CALY: variants seen among roughly 807,000 people sequenced by gnomAD.
CALY encodes the protein neuron-specific vesicular protein calcyon.
CALY carries 15 observed loss-of-function variants against 20.2 expected under a neutral mutation model. The ratio of observed to expected loss-of-function variants is 0.74; its 90% CI spans 0.50 to 1.14. CALY has a LOEUF of 1.14. CALY is among the 50% of genes most tolerant of loss of function. CALY has a pLI of 0.00. For missense variants in CALY, 270 were observed against 304.4 expected, an observed-to-expected ratio of 0.89 and a Z score of 0.84; for synonymous variants, 129 against 131.8, an observed-to-expected ratio of 0.98 and a Z score of 0.15.
At chr10:133,329,450 G>A (rs1848269184) in intron 1 of CALY, among the ~76,000 whole-genome samples, 1 of 149,290 alleles carries the variant, frequency 6.7e-6, no homozygotes, top group African/African-American at 2.5e-5. Flanking sequence ...GCAGTGGTGT[G>A]TTCTTGGCTT....
At chr10:133,327,693 G>A (rs937655482) in intron 3 of CALY, 1 of 650,282 alleles carries the variant, frequency 1.5e-6, no homozygotes, top group Non-Finnish European at 2.8e-6. Context: ...CCACTGTTTG[G>A]TCAGTCTGCA....
rs1221104637 is a variant in CALY at position 133,326,069 on chromosome 10, G to C, written c.412C>G (p.Pro138Ala). ...TLEMYYTEMD[P>A]ERHRSILAAI... is the part of the protein sequence containing the mutation. ...GCCAGGATGCTGCGGTGGCGCTCGG[G>C]GTCCATCTCCGTGTAGTACATCTCC... The change falls in exon 5 of 6, where the codon CCC (proline) becomes GCC (alanine). Residue 138 changes from proline (P) to alanine (A), a missense_variant. By Grantham distance (27) the Pro-to-Ala change is conservative. Transcript: ENST00000252939. 1.3e-6 allele frequency: 2 copies of C among 1,599,988 alleles called. No individual in the cohort carries two copies. The highest frequency in any genetic ancestry group is 3.4e-5 in the Admixed American group (2 of 59,180).
chr10:133,329,987 T>C (rs1351743921), intron 1 of CALY, among the ~76,000 whole-genome samples: 1 of 152,090 alleles, frequency 6.6e-6, no homozygotes, highest in African/African-American at 2.4e-5. Flanking sequence ...CCTGCGGAGC[T>C]GAAAGCCACA....
chr10:133,336,390 G>C (rs1848443802), intron 1 of CALY, among the ~76,000 whole-genome samples: 1 of 140,744 alleles, frequency 7.1e-6, no homozygotes, highest in Non-Finnish European at 1.5e-5. Context: ...CGTGCGGGCA[G>C]CGGCTCCTCG....
intron 3 of CALY, 167 bp downstream of exon 3, chr10:133,327,738 G>A (rs1013426620): frequency 3.8e-5 from 27 of 711,768 alleles, no homozygotes; most frequent in Non-Finnish European, 7.0e-5. Flanking sequence ...GTGGGTGCAG[G>A]GCAGCCGGTG....
In CALY at chr10:133,324,862, C is replaced by T; in HGVS notation, c.*733G>A. On this transcript the variant is annotated 3_prime_UTR_variant, in exon 6 of 6. Transcript: ENST00000252939. The stretch of plus-strand genomic sequence containing the variant: ...AGCCTCACCATCTTTCATCTGGCTC[C>T]AGGGACACGGGAGACCCCAGCCCCC... 2 of 295,836 alleles carry T rather than the reference C, an allele frequency of 6.8e-6. No individual in the cohort carries two copies. Among genetic ancestry groups the T allele is most frequent in the Non-Finnish European group, 1.3e-5 (2 of 151,034 alleles). The allele number at this position is 295,836 out of a possible 1,614,324, so 18.3% of individuals were successfully genotyped here. A position where few individuals can be genotyped will look rare whatever the true frequency, so the allele number is the denominator to read the frequency against.
chr10:133,326,118 G>A lies in CALY; in HGVS notation c.363C>T (p.His121=). ...FTCPDGFLLR[H]KICTPLTLEM... is the part of the protein sequence containing the mutation. ...CCAGGGTCAGCGGCGTGCAGATCTT[G>A]TGCTGCGGGAGGGGCCGGGTCAGGG... is the stretch of plus-strand genomic sequence containing the variant. The change falls in exon 5 of 6, where the codon CAC becomes CAT. Residue 121 remains histidine (H), a splice_region_variant and synonymous_variant. Coordinates refer to ENST00000252939, the MANE Select transcript of CALY (RefSeq NM_015722.4). 2 of 1,595,412 alleles carry A rather than the reference G, an allele frequency of 1.3e-6. No individual in the cohort carries two copies. The highest frequency in any genetic ancestry group is 1.7e-5 in the Admixed American group (1 of 59,260).
At chr10:133,328,133 A>ATC in intron 2 of CALY, 118 bp from the exon 3 acceptor site, 1 of 693,698 alleles carries the variant, frequency 1.4e-6, no homozygotes, top group African/African-American at 1.8e-5. Context: ...ACGCTGACCC[A>ATC]TCTCCCAGGA....
Position 133,326,956 on chromosome 10 carries a change from C to G in CALY, c.282G>C (p.Ala94=). 1.2e-6 allele frequency: 2 copies of G among 1,610,674 alleles called. No homozygotes were observed. The highest frequency in any genetic ancestry group is 1.1e-5 in the South Asian group (1 of 90,116). ...PTARMIAFAM[A]LLGCVLIMYK... ...ACATGATCAGCACGCAGCCCAGTAG[C>G]GCCATGGCGAAGGCGATCATCCGTG... Residue 94 remains alanine, a synonymous_variant, in exon 4 of 6, where the codon GCG becomes GCC. Transcript: ENST00000252939.
intron 1 of CALY, among the ~76,000 whole-genome samples, chr10:133,335,674 G>T (rs1848427969): frequency 6.6e-6 from 1 of 152,206 alleles, no homozygotes. Flanking sequence ...TGCGTCATGG[G>T]GGCCTCCTCC....
rs201379529 is a variant in CALY at position 133,333,433 on chromosome 10, A to AC, written c.-21+3400dup. Among the ~76,000 whole-genome samples, 959 of 125,744 alleles carry AC rather than the reference A, an allele frequency of 7.6e-3. 17 individuals are homozygous for AC. Among genetic ancestry groups the AC allele is most frequent in the African/African-American group, 0.028 (897 of 31,862 alleles). The allele number at this position is 125,744 out of a possible 152,430, so 82.5% of individuals were successfully genotyped here. ...GGGTGGAACGATCTGAAGGGAAGGG[A>AC]CCCCAACGGGGTGCGGGGAGGGATC... On this transcript the variant is annotated intron_variant, in intron 1 of 5. Coordinates refer to ENST00000252939, the MANE Select transcript of CALY (RefSeq NM_015722.4).
chr10:133,335,517 G>A (rs1034200276), intron 1 of CALY, among the ~76,000 whole-genome samples: 5 of 152,232 alleles, frequency 3.3e-5, no homozygotes, highest in Admixed American at 2.6e-4. Context: ...TCTTCAGGAA[G>A]AAAAAGCCAT....
chr10:133,335,585 G>A (rs1295714785), intron 1 of CALY, among the ~76,000 whole-genome samples: 1 of 152,168 alleles, frequency 6.6e-6, no homozygotes, highest in Non-Finnish European at 1.5e-5. Context: ...GGCGGAATGC[G>A]GGGTTGGAAA....
Position 133,326,084 on chromosome 10 carries a change from A to G in CALY, c.397T>C (p.Tyr133His), listed in dbSNP as rs1281762182. 3.7e-6 allele frequency: 6 copies of G among 1,600,628 alleles called. No individual in the cohort carries two copies. The highest frequency in any genetic ancestry group is 1.7e-5 in the Admixed American group (1 of 59,436). The change falls in exon 5 of 6, where the codon TAC becomes CAC. Residue 133 changes from tyrosine (Y) to histidine (H), a missense_variant. Physicochemically the swap from Tyr to His is moderately conservative, Grantham distance 83. Coordinates refer to ENST00000252939, the MANE Select transcript of CALY (RefSeq NM_015722.4). ...ICTPLTLEMY[Y>H]TEMDPERHRS... ...TGGCGCTCGGGGTCCATCTCCGTGT[A>G]GTACATCTCCAGGGTCAGCGGCGTG... is the stretch of plus-strand genomic sequence containing the variant.
In CALY at chr10:133,326,413, A is replaced by C; in HGVS notation, c.361-293T>G. ...GCGCGCTCCAGAGCATAAACCATGGAGTTAAGGAGAAAAGGAGCAGATTTT... is the reference window on the plus strand; with the variant it reads ...GCGCGCTCCAGAGCATAAACCATGGCGTTAAGGAGAAAAGGAGCAGATTTT... On this transcript the variant is annotated intron_variant, in intron 4 of 5. Transcript: ENST00000252939. The C allele has an allele frequency of 4.5e-6, 3 of 670,772 alleles. No homozygotes were observed. In the South Asian group the frequency reaches 5.6e-5, roughly 13 times the overall value. The allele number at this position is 670,772 out of a possible 1,614,324, so 41.6% of individuals were successfully genotyped here.
chr10:133,328,586 G>T (rs1314003525), intron 2 of CALY, among the ~76,000 whole-genome samples: 1 of 152,248 alleles, frequency 6.6e-6, no homozygotes, highest in Non-Finnish European at 1.5e-5. Context: ...AGTGCCCTAT[G>T]GACAGCACGT....
In CALY at chr10:133,324,289, G is replaced by T. The variant is rs1242614186; in HGVS notation, c.*1306C>A. ...GCCCTGCCTTCCCTGACCCCACCTGGCTGGCTTCCAGCTCACCATGGCTTC... is the reference window on the plus strand; with the variant it reads ...GCCCTGCCTTCCCTGACCCCACCTGTCTGGCTTCCAGCTCACCATGGCTTC... On this transcript the variant is annotated 3_prime_UTR_variant, in exon 6 of 6. Coordinates refer to ENST00000252939, the MANE Select transcript of CALY (RefSeq NM_015722.4). 8 of 453,696 alleles carry T rather than the reference G, an allele frequency of 1.8e-5. No individual in the cohort carries two copies. In the Admixed American group the frequency reaches 1.9e-4, roughly 11 times the overall value. 28.1% of individuals were successfully genotyped at this position (453,696 alleles called of 1,614,324 possible). A position where few individuals can be genotyped will look rare whatever the true frequency, so the allele number is the denominator to read the frequency against.
rs1398709921 is a variant in CALY at position 133,325,479 on chromosome 10, G to A, written c.*116C>T. The A allele has an allele frequency of 5.1e-6, 1 of 196,024 alleles. No individual in the cohort carries two copies. Among genetic ancestry groups the A allele is most frequent in the Admixed American group, 6.1e-5 (1 of 16,440 alleles). The allele number at this position is 196,024 out of a possible 1,614,324, so 12.1% of individuals were successfully genotyped here. A position where few individuals can be genotyped will look rare whatever the true frequency, so the allele number is the denominator to read the frequency against. ...AAGCGACAGAGTCAGAGACCCACGGGGGCGGGGCTGCAGCGAGGGCGCCTG... is the reference window on the plus strand; with the variant it reads ...AAGCGACAGAGTCAGAGACCCACGGAGGCGGGGCTGCAGCGAGGGCGCCTG... On this transcript the variant is annotated 3_prime_UTR_variant, in exon 6 of 6. Transcript: ENST00000252939.
At chr10:133,334,664 T>A (rs1157809197) in intron 1 of CALY, among the ~76,000 whole-genome samples, 1 of 113,298 alleles carries the variant, frequency 8.8e-6, no homozygotes, top group Non-Finnish European at 1.8e-5. Flanking sequence ...AGCTTCTGCG[T>A]GGGGAAAGAA....
Sources: allele counts gnomAD v4.1 joint callset (sites outside exome capture counted in the v4.1 genomes callset), GRCh38; gene constraint gnomAD v4.1.1; transcripts MANE v1.5; gene names NCBI Gene and HGNC (gene_info 2026-07-23, HGNC 2026-07-21).